Variants in CEP83 observed in about 807,000 individuals in gnomAD.
The protein encoded by CEP83 is centrosomal protein of 83 kDa.
A neutral mutation model predicts 101.9 loss-of-function variants in CEP83; 70 were observed. The observed-to-expected ratio is 0.69, with a 90% CI of 0.57 to 0.84. The LOEUF (loss-of-function observed/expected upper bound fraction) is 0.84, where lower values mean the gene tolerates loss of function less well. Ranked by LOEUF, CEP83 falls within the 40% of genes least tolerant of loss-of-function variation. CEP83 has a pLI of 0.00. For synonymous variants in CEP83, 264 were observed against 267.9 expected (o/e 0.99, Z 0.14); for missense variants, 715 against 787.2 (o/e 0.91, Z 1.10).
intron 14 of CEP83, among the ~76,000 whole-genome samples, chr12:94,314,350 T>G (rs1383428033): frequency 6.6e-6 from 1 of 152,172 alleles, no homozygotes; most frequent in Non-Finnish European, 1.5e-5. Flanking sequence ...GAAGGGCCCC[T>G]ACCTTTCCCC....
rs183441033 is a variant in CEP83, at chr12:94,394,405, G to T, written c.549+6445C>A. Reference sequence around the variant, plus strand: ...TTCCCTATTTAATAAATGGTGCTGGGAAAACTGGCTAGCCATATGTAGAAA... The same window carrying T: ...TTCCCTATTTAATAAATGGTGCTGGTAAAACTGGCTAGCCATATGTAGAAA... On this transcript the variant is annotated intron_variant, in intron 6 of 16. Transcript: ENST00000397809. 2.3e-3 allele frequency among the ~76,000 whole-genome samples: 348 copies of T among 152,274 alleles called. 1 individual carries two copies. Among genetic ancestry groups the T allele is most frequent in the African/African-American group, 8.1e-3 (336 of 41,550 alleles).
chr12:94,432,405 C>T (rs1363605683), intron 2 of CEP83, among the ~76,000 whole-genome samples: 1 of 152,008 alleles, frequency 6.6e-6, no homozygotes, highest in Non-Finnish European at 1.5e-5. Flanking sequence ...TGGTGAAATA[C>T]TATTCAGCTA....
intron 1 of CEP83, among the ~76,000 whole-genome samples, chr12:94,453,817 G>C (rs774527190): frequency 2.6e-5 from 4 of 152,194 alleles, no homozygotes; most frequent in Admixed American, 6.5e-5. Flanking sequence ...ACAGTGCCTA[G>C]GCCGGGCGCA....
chr12:94,394,098 T>C (rs2137444170), intron 6 of CEP83, among the ~76,000 whole-genome samples: 1 of 152,314 alleles, frequency 6.6e-6, no homozygotes, highest in Non-Finnish European at 1.5e-5. Context: ...CCAATGACTT[T>C]CTTCACAGAA....
At chr12:94,370,151 A>G (rs1198224334) in intron 8 of CEP83, 115 bp from the exon 9 acceptor site, 2 of 633,744 alleles carry the variant, frequency 3.2e-6, no homozygotes, top group East Asian at 2.6e-5. Flanking sequence ...GAGTCTAAGT[A>G]TCTTCCAAGA....
chr12:94,309,710 A>G (rs1021081475), intron 16 of CEP83, among the ~76,000 whole-genome samples: 1 of 152,142 alleles, frequency 6.6e-6, no homozygotes, highest in Non-Finnish European at 1.5e-5. Flanking sequence ...CACCAACACT[A>G]AAGGATCATG....
chr12:94,449,440 T>C (rs1156341507), intron 1 of CEP83, among the ~76,000 whole-genome samples: 1 of 151,836 alleles, frequency 6.6e-6, no homozygotes, highest in Non-Finnish European at 1.5e-5. Flanking sequence ...AGACAAACCA[T>C]ATTCAACAAC....
intron 1 of CEP83, among the ~76,000 whole-genome samples, chr12:94,452,478 T>C (rs2067332895): frequency 6.6e-6 from 1 of 152,180 alleles, no homozygotes; most frequent in Non-Finnish European, 1.5e-5. Flanking sequence ...ATCCAGGTTC[T>C]TAAAGATTAT....
chr12:94,447,141 A>C (rs1365868168), intron 1 of CEP83, among the ~76,000 whole-genome samples: 1 of 152,238 alleles, frequency 6.6e-6, no homozygotes, highest in African/African-American at 2.4e-5. Flanking sequence ...CCAAAGACGA[A>C]GACAAGTCGC....
chr12:94,301,486 C>T (rs575031056), downstream of CEP83, among the ~76,000 whole-genome samples: 3 of 152,238 alleles, frequency 2.0e-5, no homozygotes, highest in Admixed American at 6.5e-5. Context: ...TCTAACAATA[C>T]CAGTTTGTCA....
In CEP83 at chr12:94,455,843, C is replaced by T. The variant is rs533615622; in HGVS notation, c.-155+3714G>A. On this transcript the variant is annotated intron_variant, in intron 1 of 16. Transcript: ENST00000397809. ...GTGAATCACTTGAGGCCAGGAGTTCCGAGACCAGCCTGGCCAATGTGGTGA... is the reference window on the plus strand; with the variant it reads ...GTGAATCACTTGAGGCCAGGAGTTCTGAGACCAGCCTGGCCAATGTGGTGA... 9.9e-5 allele frequency among the ~76,000 whole-genome samples: 15 copies of T among 152,020 alleles called. No homozygotes were observed. The South Asian group carries it at 3.1e-3, about 32-fold the overall frequency.
intron 2 of CEP83, among the ~76,000 whole-genome samples, chr12:94,419,709 T>C (rs887630004): frequency 1.3e-5 from 2 of 152,094 alleles, no homozygotes; most frequent in Non-Finnish European, 2.9e-5. Flanking sequence ...CCATATAAGA[T>C]AATTTAGAAC....
intron 2 of CEP83, chr12:94,424,912 G>A (rs1284799203): frequency 6.3e-7 from 1 of 1,598,680 alleles, no homozygotes; most frequent in Non-Finnish European, 8.6e-7. Context: ...GCTTCTTGTT[G>A]TTTCTATTGT....
chr12:94,396,922 A>T (rs935625609), intron 6 of CEP83, among the ~76,000 whole-genome samples: 1 of 152,188 alleles, frequency 6.6e-6, no homozygotes, highest in Non-Finnish European at 1.5e-5. Context: ...TTCAAACTAA[A>T]TTTGTTGTTT....
chr12:94,329,167 T>TCA (rs923005944), intron 14 of CEP83, among the ~76,000 whole-genome samples: 11 of 152,182 alleles, frequency 7.2e-5, no homozygotes, highest in African/African-American at 2.7e-4. Flanking sequence ...TCTACTATCT[T>TCA]CACACTCATC....
chr12:94,279,883 G>A, the CEP83 span: 1 of 671,298 alleles, frequency 1.5e-6, no homozygotes, highest in East Asian at 2.8e-5. Flanking sequence ...TGTTGTTGTT[G>A]TCTTTAAATA....
intron 8 of CEP83, among the ~76,000 whole-genome samples, chr12:94,375,220 GAAGACAGAGAGA>G (rs1269128505): frequency 6.6e-6 from 1 of 152,150 alleles, no homozygotes; most frequent in Non-Finnish European, 1.5e-5. Flanking sequence ...AGCAGGTAAG[GAAGACAGAGAGA>G]AAGACAGAGG....
chr12:94,402,573 G>A (rs138883183), intron 5 of CEP83, among the ~76,000 whole-genome samples: 25 of 152,098 alleles, frequency 1.6e-4, no homozygotes, highest in Admixed American at 3.9e-4. Flanking sequence ...TTGCCACGAC[G>A]TATCTGGAGG....
At chr12:94,431,318 A>C (rs2065605135) in intron 2 of CEP83, among the ~76,000 whole-genome samples, 1 of 152,230 alleles carries the variant, frequency 6.6e-6, no homozygotes, top group African/African-American at 2.4e-5. Flanking sequence ...ATACAAACGT[A>C]AGACCCAAGA....
Sources: allele counts gnomAD v4.1 joint callset (sites outside exome capture counted in the v4.1 genomes callset), GRCh38; gene constraint gnomAD v4.1.1; transcripts MANE v1.5; gene names NCBI Gene and HGNC (gene_info 2026-07-23, HGNC 2026-07-21).